POLA1: variants seen among roughly 807,000 people sequenced by gnomAD.
POLA1 encodes the protein DNA polymerase alpha 1, catalytic subunit.
A neutral mutation model predicts 124.0 loss-of-function variants in POLA1; 15 were observed. The ratio of observed to expected loss-of-function variants is 0.12; its 90% confidence interval spans 0.08 to 0.19. The LOEUF is 0.19. POLA1 is among the 10% of genes least tolerant of loss of function. The pLI is 1.00. For synonymous variants in POLA1, 408 were observed against 389.4 expected (o/e 1.05, Z -0.56); for missense variants, 886 against 1,103.4 (o/e 0.80, Z 2.79).
At chrX:24,748,780 CT>C in intron 25 of POLA1, 89 bp from the exon 26 acceptor site, 1 of 962,151 alleles carries the variant, frequency 1.0e-6, no homozygotes, top group Non-Finnish European at 1.5e-6. Context: ...GAGGGTTTCC[CT>C]TTTTATTGGA....
At chrX:24,714,219 G>A (rs1253001404) in intron 4 of POLA1, among the ~76,000 whole-genome samples, 6 of 111,775 alleles carry the variant, frequency 5.4e-5, no homozygotes, top group Non-Finnish European at 7.5e-5. Context: ...GTGCAGTGGC[G>A]TGATCTTGGC....
At chrX:24,888,529 GATTA>G (rs2047094055) in intron 35 of POLA1, among the ~76,000 whole-genome samples, 2 of 108,919 alleles carry the variant, frequency 1.8e-5, no homozygotes, top group African/African-American at 3.3e-5. Context: ...CCCTCTGCTG[GATTA>G]ATTGTTTATA....
chrX:24,758,556 A>G (rs1016314375), intron 26 of POLA1, among the ~76,000 whole-genome samples: 3 of 112,774 alleles, frequency 2.7e-5, no homozygotes, highest in Non-Finnish European at 3.7e-5. Context: ...ACAGCTGGGA[A>G]GAGAAAGACT....
At chrX:24,982,527 TGGAAATAGCA>T (rs1042835788) in intron 36 of POLA1, among the ~76,000 whole-genome samples, 3 of 110,378 alleles carry the variant, frequency 2.7e-5, no homozygotes, top group Admixed American at 1.9e-4. Context: ...TTTAAAGTGC[TGGAAATAGCA>T]GGAGAGTGAG....
chrX:24,707,849 T>C (rs1235347810), intron 4 of POLA1, among the ~76,000 whole-genome samples: 1 of 110,968 alleles, frequency 9.0e-6, no homozygotes, highest in Non-Finnish European at 1.9e-5. Flanking sequence ...GAAAAATTAG[T>C]CGGGCGTGGT....
intron 26 of POLA1, among the ~76,000 whole-genome samples, chrX:24,797,307 A>T (rs753184321): frequency 9.0e-6 from 1 of 111,268 alleles, no homozygotes; most frequent in African/African-American, 3.3e-5. Context: ...TTGTTTTTTT[A>T]AAACTTAATT....
intron 36 of POLA1, among the ~76,000 whole-genome samples, chrX:24,992,802 C>T (rs909885829): frequency 1.8e-5 from 2 of 112,610 alleles, no homozygotes; most frequent in Non-Finnish European, 3.7e-5. Context: ...TTTATTTGAT[C>T]AGTTGACTTT....
intron 34 of POLA1, among the ~76,000 whole-genome samples, chrX:24,851,153 C>T (rs2046554550): frequency 8.9e-6 from 1 of 112,391 alleles, no homozygotes. Context: ...GCTATAACTC[C>T]TTCAAGGCAA....
At chrX:24,767,155 C>G (rs1364284666) in intron 26 of POLA1, among the ~76,000 whole-genome samples, 2 of 112,209 alleles carry the variant, frequency 1.8e-5, no homozygotes, top group Admixed American at 9.4e-5. Context: ...TAGTACAGGA[C>G]ATCTCATTTT....
chrX:24,869,441 C>T (rs1450120039), intron 34 of POLA1, among the ~76,000 whole-genome samples: 1 of 111,818 alleles, frequency 8.9e-6, no homozygotes, highest in Non-Finnish European at 1.9e-5. Flanking sequence ...TGAGTTGGCT[C>T]CTGCCCTTCC....
intron 35 of POLA1, among the ~76,000 whole-genome samples, chrX:24,910,568 A>G (rs747913826): frequency 8.9e-6 from 1 of 111,991 alleles, no homozygotes; most frequent in African/African-American, 3.2e-5. Context: ...AAGACATACC[A>G]TGCAAACACT....
At chrX:24,966,862 A>T (rs1203290189) in intron 36 of POLA1, among the ~76,000 whole-genome samples, 1 of 112,623 alleles carries the variant, frequency 8.9e-6, no homozygotes, top group Non-Finnish European at 1.9e-5. Flanking sequence ...AAATCTGTTG[A>T]TTGAAAACAG....
At chrX:24,719,406 A>G (rs576419113) in intron 10 of POLA1, among the ~76,000 whole-genome samples, 20 of 111,989 alleles carry the variant, frequency 1.8e-4, no homozygotes, top group Middle Eastern at 4.6e-3. Context: ...GATATAATCA[A>G]TTTTAGAAAT....
intron 4 of POLA1, among the ~76,000 whole-genome samples, chrX:24,710,813 C>T (rs764488908): frequency 1.4e-4 from 15 of 108,343 alleles, no homozygotes; most frequent in South Asian, 4.1e-4. Flanking sequence ...ATTACAGGCA[C>T]GCGCCACCAT....
At chrX:24,707,315 A>G (rs771750055) in intron 4 of POLA1, among the ~76,000 whole-genome samples, 1 of 112,649 alleles carries the variant, frequency 8.9e-6, no homozygotes, top group South Asian at 3.7e-4. Flanking sequence ...TCTCAAAGAA[A>G]GGACTCATGT....
At position 24,704,403 on chromosome X, in the gene POLA1, G is replaced by A; in HGVS notation, c.280G>A (p.Val94Met). Residue 94 changes from valine (V) to methionine (M), a missense_variant, in exon 4 of 37, where the codon GTG (valine) becomes ATG (methionine). Around this residue, in one of 7 missense-constraint regions of POLA1, gnomAD observed 337 missense variants for 402.8 expected, o/e 0.84. Transcript: ENST00000379068. Reference protein sequence around the residue: ...WIVDDDGIGYVEDGREIFDDD... With the variant: ...WIVDDDGIGYMEDGREIFDDD... ...TGTCCCTGCAGATGGTATTGGCTAT[G>A]TGGAAGATGGCCGAGAGATTTTTGA... 8.3e-7 allele frequency: 1 copy of A among 1,200,480 alleles called. No homozygotes were observed. The highest frequency in any genetic ancestry group is 2.2e-5 in the Admixed American group (1 of 46,050).
chrX:24,942,751 C>T (rs1440164379), intron 36 of POLA1, among the ~76,000 whole-genome samples: 1 of 112,196 alleles, frequency 8.9e-6, no homozygotes, highest in African/African-American at 3.2e-5. Context: ...AGTTCAGTGG[C>T]ACGATCTCTG....
At position 24,809,943 on chromosome X, in the gene POLA1, AT is replaced by A; in HGVS notation, c.2997+17del. On this transcript the variant is annotated intron_variant, in intron 27 of 36. Transcript: ENST00000379068. ...GATGGTACAAAAGGTAATGTTGAGC[AT>A]TTTCATTGTGTAAAACTTAAATATC... The A allele has an allele frequency of 9.6e-7, 1 of 1,046,885 alleles. No homozygotes were observed. The highest frequency in any genetic ancestry group is 1.3e-6 in the Non-Finnish European group (1 of 760,014). 86.3% of individuals were successfully genotyped at this position (1,046,885 alleles called of 1,213,427 possible).
chrX:24,791,480 G>A lies in POLA1; in HGVS notation c.2965-18418G>A, dbSNP rs752955031. Among the ~76,000 whole-genome samples, 18 of 112,547 alleles carry A rather than the reference G, an allele frequency of 1.6e-4. No homozygotes were observed. The South Asian group carries it at 5.9e-3, about 37-fold the overall frequency. On this transcript the variant is annotated intron_variant, in intron 26 of 36. Transcript: ENST00000379068. ...TGGCTCACTGCAACCTCCACCTCCC[G>A]GTTCAAGCGATTCTCCTGCCTCAGC...
Sources: allele counts gnomAD v4.1 joint callset (sites outside exome capture counted in the v4.1 genomes callset), GRCh38; gene constraint gnomAD v4.1.1; regional missense constraint gnomAD v4.1.1; transcripts MANE v1.5; gene names NCBI Gene and HGNC (gene_info 2026-07-23, HGNC 2026-07-21).